Variants in KCNT2 observed in about 807,000 individuals in gnomAD.
KCNT2 encodes the protein potassium channel subfamily T member 2.
A neutral mutation model predicts 153.8 loss-of-function variants in KCNT2; 67 were observed. The observed-to-expected ratio is 0.44, with a 90% confidence interval of 0.36 to 0.53. The LOEUF is 0.53. Among genes scored for constraint, KCNT2 ranks in the 20% least tolerant of loss-of-function variants. KCNT2 has a pLI of 0.00. For synonymous variants in KCNT2, 500 were observed against 458.8 expected, an observed-to-expected ratio of 1.09 and a Z score of -1.15; for missense variants, 975 against 1,354.8, an observed-to-expected ratio of 0.72 and a Z score of 4.40.
intron 5 of KCNT2, among the ~76,000 whole-genome samples, chr1:196,474,704 C>A (rs1205335552): frequency 6.6e-6 from 1 of 152,070 alleles, no homozygotes; most frequent in Non-Finnish European, 1.5e-5. Context: ...TTTGATTTAA[C>A]GAATGTGTGT....
intron 1 of KCNT2, among the ~76,000 whole-genome samples, chr1:196,494,774 C>T (rs991910114): frequency 2.0e-5 from 3 of 152,164 alleles, no homozygotes; most frequent in Non-Finnish European, 4.4e-5. Context: ...TTAGGAGTCA[C>T]CGTTGTCTTT....
chr1:196,526,342 G>A (rs1016271415), intron 1 of KCNT2, among the ~76,000 whole-genome samples: 2 of 150,080 alleles, frequency 1.3e-5, no homozygotes, highest in African/African-American at 4.9e-5. Flanking sequence ...CACATACACA[G>A]TCCATTCAAA....
chr1:196,300,328 A>G (rs1023337932), intron 22 of KCNT2, among the ~76,000 whole-genome samples: 27 of 152,270 alleles, frequency 1.8e-4, no homozygotes, highest in African/African-American at 5.8e-4. Context: ...TTGATTTCTC[A>G]TTGAAGGACA....
chr1:196,404,821 A>G (rs1461040521), intron 12 of KCNT2, among the ~76,000 whole-genome samples: 2 of 151,690 alleles, frequency 1.3e-5, no homozygotes, highest in Non-Finnish European at 3.0e-5. Flanking sequence ...ATTCATTTGC[A>G]TATCACAGGT....
intron 20 of KCNT2, among the ~76,000 whole-genome samples, chr1:196,317,888 T>C (rs1251143947): frequency 6.6e-6 from 1 of 151,794 alleles, no homozygotes; most frequent in Non-Finnish European, 1.5e-5. Flanking sequence ...TTTAAATCTA[T>C]ATAGAAAGTA....
At chr1:196,377,035 G>A (rs768242768) in intron 13 of KCNT2, among the ~76,000 whole-genome samples, 49 of 151,896 alleles carry the variant, frequency 3.2e-4, no homozygotes, top group Non-Finnish European at 3.5e-4. Context: ...ATTAGAGGGA[G>A]TGAACTACAA....
intron 4 of KCNT2, among the ~76,000 whole-genome samples, chr1:196,481,757 C>T (rs1177564017): frequency 2.0e-5 from 3 of 152,144 alleles, no homozygotes; most frequent in Admixed American, 2.0e-4. Context: ...AACACCTCAA[C>T]AATATAAATC....
Position 196,228,225 on chromosome 1 carries a change from C to T in KCNT2, c.3407G>A (p.Ter1136=), listed in dbSNP as rs760199544. 1.3e-5 allele frequency: 20 copies of T among 1,585,534 alleles called. No homozygotes were observed. The Admixed American group carries it at 3.4e-4, about 27-fold the overall frequency. The change falls in exon 28 of 28, where the codon TGA becomes TAA. Residue 1136 remains the stop codon, a stop_retained_variant. Transcript: ENST00000294725. The part of the protein sequence containing the change: ...GQDSREETQL[*] The stretch of plus-strand genomic sequence containing the variant: ...AAAAAGTTTCTCATTTTATTTTTAT[C>T]AAAGTTGAGTTTCCTCCCGAGAATC...
At chr1:196,450,193 A>G (rs1242236795) in intron 8 of KCNT2, among the ~76,000 whole-genome samples, 1 of 151,896 alleles carries the variant, frequency 6.6e-6, no homozygotes, top group African/African-American at 2.4e-5. Flanking sequence ...GACCCTATCT[A>G]CTAACACATT....
At chr1:196,605,540 A>G (rs1665219052) in intron 1 of KCNT2, among the ~76,000 whole-genome samples, 1 of 152,134 alleles carries the variant, frequency 6.6e-6, no homozygotes, top group Admixed American at 6.6e-5. Flanking sequence ...CTCATGCAGG[A>G]GGTGTTCAAA....
intron 1 of KCNT2, among the ~76,000 whole-genome samples, chr1:196,531,195 C>T (rs549935754): frequency 9.9e-4 from 150 of 152,194 alleles, no homozygotes; most frequent in African/African-American, 3.4e-3. Context: ...ACATTTTCTT[C>T]AACTCAACTG....
intron 1 of KCNT2, among the ~76,000 whole-genome samples, chr1:196,569,384 T>C (rs913254712): frequency 6.6e-6 from 1 of 152,186 alleles, no homozygotes; most frequent in African/African-American, 2.4e-5. Flanking sequence ...TTTTTAAAAA[T>C]GACCTCATAT....
chr1:196,251,205 A>G lies in KCNT2; in HGVS notation c.3211+6989T>C, dbSNP rs1359765807. Among the ~76,000 whole-genome samples, 3 of 152,164 alleles carry G rather than the reference A, an allele frequency of 2.0e-5. No individual in the cohort carries two copies. The East Asian group carries it at 5.8e-4, about 29-fold the overall frequency. On this transcript the variant is annotated intron_variant, in intron 26 of 27. Transcript: ENST00000294725. ...ATAGCCAAGATTTGGAAGCAACCTA[A>G]GTTTCATCAAGAGATGGATGGATAA...
At chr1:196,520,565 T>C (rs1653232674) in intron 1 of KCNT2, among the ~76,000 whole-genome samples, 1 of 151,692 alleles carries the variant, frequency 6.6e-6, no homozygotes, top group Non-Finnish European at 1.5e-5. Flanking sequence ...CTCCACAGTC[T>C]CAACCCAAAG....
intron 8 of KCNT2, among the ~76,000 whole-genome samples, chr1:196,463,008 T>C (rs1677285416): frequency 6.6e-6 from 1 of 151,628 alleles, no homozygotes; most frequent in African/African-American, 2.4e-5. Flanking sequence ...AGGCTGGACT[T>C]AGGACGTACT....
At chr1:196,384,320 G>T (rs1400418954) in intron 13 of KCNT2, among the ~76,000 whole-genome samples, 4 of 152,004 alleles carry the variant, frequency 2.6e-5, no homozygotes, top group Non-Finnish European at 5.9e-5. Context: ...ATTTATGTGA[G>T]CCCACCCATA....
At chr1:196,304,044 T>C (rs1457208664) in intron 22 of KCNT2, among the ~76,000 whole-genome samples, 8 of 152,108 alleles carry the variant, frequency 5.3e-5, no homozygotes, top group African/African-American at 1.4e-4. Flanking sequence ...AGCTGTATAA[T>C]CTTGGGAGAG....
chr1:196,311,739 A>T (rs1229062998), intron 21 of KCNT2, among the ~76,000 whole-genome samples: 2 of 148,110 alleles, frequency 1.4e-5, no homozygotes, highest in Non-Finnish European at 3.0e-5. Context: ...TGAATCTGCC[A>T]TTTTTTTTTT....
chr1:196,322,052 T>C (rs1426582331), intron 19 of KCNT2, among the ~76,000 whole-genome samples: 1 of 151,932 alleles, frequency 6.6e-6, no homozygotes, highest in African/African-American at 2.4e-5. Flanking sequence ...TTCCTAAAAC[T>C]AGATGTCCTT....
Sources: gnomAD v4.1 joint callset for allele counts (sites outside exome capture counted in the v4.1 genomes callset) on GRCh38, gnomAD v4.1.1 for gene constraint, MANE v1.5 for transcripts, NCBI Gene and HGNC (gene_info 2026-07-23, HGNC 2026-07-21) for gene names.